ATXN7L1: variants seen among roughly 807,000 people sequenced by gnomAD.
The protein encoded by ATXN7L1 is ataxin 7 like 1, also known as ataxin-7-like protein 1.
ATXN7L1 carries 15 observed loss-of-function variants against 70.8 expected under a neutral mutation model. That is an observed-to-expected ratio of 0.21 (90% confidence interval 0.14 to 0.33). The LOEUF is 0.33. ATXN7L1 is among the 10% of genes least tolerant of loss of function. ATXN7L1 has a pLI of 1.00. For synonymous variants in ATXN7L1, 440 were observed against 445.1 expected (o/e 0.99, Z 0.14); for missense variants, 975 against 1,097.1 (o/e 0.89, Z 1.57).
At chr7:105,827,602 T>C in intron 2 of ATXN7L1, among the ~76,000 whole-genome samples, 1 of 152,202 alleles carries the variant, frequency 6.6e-6, no homozygotes, top group Non-Finnish European at 1.5e-5. Context: ...TTTTCATATA[T>C]TCGGGTTCCG....
rs149214828 is a variant in ATXN7L1 at position 105,853,286 on chromosome 7, C to T, written c.250+22526G>A. On this transcript the variant is annotated intron_variant, in intron 2 of 11. Transcript: ENST00000419735. The stretch of plus-strand genomic sequence containing the variant: ...AATGTAGGCTACATGCAGTGACTCA[C>T]GCCTGTAATCCCAGCACTCTGGGAG... 2.6e-4 allele frequency among the ~76,000 whole-genome samples: 40 copies of T among 152,342 alleles called. No homozygotes were observed. In the East Asian group the frequency reaches 7.1e-3, roughly 27 times the overall value.
chr7:105,679,967 C>T (rs1805321224), intron 3 of ATXN7L1, among the ~76,000 whole-genome samples: 2 of 151,536 alleles, frequency 1.3e-5, no homozygotes, highest in Non-Finnish European at 2.9e-5. Context: ...GCATCTTTAT[C>T]TTCTGCTAGG....
chr7:105,787,970 G>A (rs1009758867), intron 3 of ATXN7L1, among the ~76,000 whole-genome samples: 3 of 152,316 alleles, frequency 2.0e-5, no homozygotes, highest in African/African-American at 7.2e-5. Context: ...TTCATCCCCG[G>A]GGTGGGGCAG....
chr7:105,871,389 C>T (rs1818242190), intron 2 of ATXN7L1, among the ~76,000 whole-genome samples: 4 of 152,122 alleles, frequency 2.6e-5, no homozygotes, highest in Admixed American at 1.3e-4. Context: ...TCTAGCAACG[C>T]CTTCTGAACC....
intron 3 of ATXN7L1, among the ~76,000 whole-genome samples, chr7:105,707,462 G>T (rs1312613737): frequency 1.3e-5 from 2 of 152,162 alleles, no homozygotes; most frequent in Admixed American, 6.5e-5. Flanking sequence ...GGGGATGGAG[G>T]AAGGCTGGGC....
intron 2 of ATXN7L1, among the ~76,000 whole-genome samples, chr7:105,861,599 CG>C (rs1282240370): frequency 6.6e-6 from 1 of 151,682 alleles, no homozygotes; most frequent in Admixed American, 6.6e-5. Context: ...GTGCGGCACC[CG>C]GGGGTGGGAT....
chr7:105,830,698 A>C (rs12531210), intron 2 of ATXN7L1, among the ~76,000 whole-genome samples: 8,803 of 152,318 alleles, frequency 0.058, 404 homozygotes, highest in East Asian at 0.22. Flanking sequence ...CTTCTCTAAG[A>C]GGCAGCTAGA....
At chr7:105,710,904 G>A (rs1793828086) in intron 3 of ATXN7L1, among the ~76,000 whole-genome samples, 1 of 152,136 alleles carries the variant, frequency 6.6e-6, no homozygotes, top group Non-Finnish European at 1.5e-5. Context: ...AGTTCCACAT[G>A]GCTGGAGAAG....
chr7:105,772,722 G>C (rs1270742461), intron 3 of ATXN7L1, among the ~76,000 whole-genome samples: 1 of 152,068 alleles, frequency 6.6e-6, no homozygotes, highest in African/African-American at 2.4e-5. Flanking sequence ...AGAAATTACA[G>C]AGCAAGCAAA....
At chr7:105,688,643 A>C (rs1426227870) in intron 3 of ATXN7L1, among the ~76,000 whole-genome samples, 1 of 152,166 alleles carries the variant, frequency 6.6e-6, no homozygotes, top group African/African-American at 2.4e-5. Flanking sequence ...GCGCCAATGA[A>C]GCCTTGTCTG....
intron 2 of ATXN7L1, among the ~76,000 whole-genome samples, chr7:105,851,780 A>G (rs77456769): frequency 0.17 from 25,990 of 152,068 alleles, 2,632 homozygotes; most frequent in East Asian, 0.53. Flanking sequence ...CCACAGAACC[A>G]TCCCCAGGAG....
At chr7:105,684,429 A>C (rs1029863349) in intron 3 of ATXN7L1, among the ~76,000 whole-genome samples, 3 of 152,174 alleles carry the variant, frequency 2.0e-5, no homozygotes, top group African/African-American at 7.2e-5. Context: ...AGCATTACAG[A>C]TGGGGTCTGA....
At chr7:105,799,601 C>A (rs1283365318) in intron 2 of ATXN7L1, among the ~76,000 whole-genome samples, 2 of 152,140 alleles carry the variant, frequency 1.3e-5, no homozygotes, top group African/African-American at 4.8e-5. Flanking sequence ...GCAATTGCGA[C>A]ATTTTTTTTT....
rs906378892 is a variant in ATXN7L1 at position 105,613,886 on chromosome 7, G to C, written c.2448C>G (p.Pro816=). The change falls in exon 10 of 12, where the codon CCC becomes CCG. Residue 816 remains proline (P), a synonymous_variant. Transcript: ENST00000419735. The part of the protein sequence containing the change: ...PPSLLAPVPD[P]VNSTSSRQVG... ...CCTGCCGAGAGGAGGTGCTGTTAAC[G>C]GGATCGGGCACCGGTGCGAGAAGGC... 1.3e-6 allele frequency: 2 copies of C among 1,552,010 alleles called. No individual in the cohort carries two copies. The highest frequency in any genetic ancestry group is 3.9e-5 in the Admixed American group (2 of 51,006).
chr7:105,804,301 A>G (rs2116522449), intron 2 of ATXN7L1, among the ~76,000 whole-genome samples: 1 of 152,286 alleles, frequency 6.6e-6, no homozygotes, highest in South Asian at 2.1e-4. Context: ...CTTGCTTCCA[A>G]AAAGGCCTGA....
intron 2 of ATXN7L1, among the ~76,000 whole-genome samples, chr7:105,818,378 C>T (rs1440779396): frequency 6.6e-6 from 1 of 152,116 alleles, no homozygotes; most frequent in African/African-American, 2.4e-5. Context: ...GCCATGCTGG[C>T]CAGGGATCCT....
chr7:105,723,898 G>A (rs369236188), intron 3 of ATXN7L1, among the ~76,000 whole-genome samples: 1 of 152,214 alleles, frequency 6.6e-6, no homozygotes, highest in East Asian at 1.9e-4. Flanking sequence ...TTGCTGCAAA[G>A]TAGGGAGGAA....
intron 4 of ATXN7L1, among the ~76,000 whole-genome samples, chr7:105,658,981 A>T (rs1243786377): frequency 2.0e-5 from 3 of 152,194 alleles, no homozygotes; most frequent in African/African-American, 4.8e-5. Context: ...TACTGAAAAC[A>T]CAAAAATTAG....
intron 3 of ATXN7L1, among the ~76,000 whole-genome samples, chr7:105,683,175 T>G (rs1009194064): frequency 1.3e-5 from 2 of 152,306 alleles, no homozygotes; most frequent in Non-Finnish European, 2.9e-5. Context: ...CACAAAGAAG[T>G]GTTAATTTGT....
Sources: allele counts gnomAD v4.1 joint callset (sites outside exome capture counted in the v4.1 genomes callset), GRCh38; gene constraint gnomAD v4.1.1; transcripts MANE v1.5; gene names NCBI Gene and HGNC (gene_info 2026-07-23, HGNC 2026-07-21).